Variants in RELN observed in about 807,000 individuals in gnomAD.
RELN encodes reelin.
Under a neutral mutation model 427.6 loss-of-function variants are expected in RELN, and 108 were observed. That is an observed-to-expected ratio of 0.25 (90% CI 0.22 to 0.30). RELN has a LOEUF of 0.30. Ranked by LOEUF, RELN falls within the 10% of genes least tolerant of loss-of-function variation. The pLI is 1.00. For synonymous variants in RELN, 1,524 were observed against 1,513.4 expected (o/e 1.01, Z -0.16); for missense variants, 3,715 against 4,302.8 (o/e 0.86, Z 3.82).
At chr7:103,732,327 A>C (rs1438443724) in intron 6 of RELN, among the ~76,000 whole-genome samples, 1 of 152,112 alleles carries the variant, frequency 6.6e-6, no homozygotes, top group Non-Finnish European at 1.5e-5. Flanking sequence ...ATAATCCTTC[A>C]GTGTGTATCA....
At chr7:103,881,715 G>A (rs760311395) in intron 2 of RELN, among the ~76,000 whole-genome samples, 10 of 152,060 alleles carry the variant, frequency 6.6e-5, no homozygotes, top group East Asian at 1.9e-4. Context: ...AAAAAGTAAC[G>A]TCATCTCGGA....
intron 1 of RELN, among the ~76,000 whole-genome samples, chr7:103,936,259 A>G (rs1795981972): frequency 6.6e-6 from 1 of 152,048 alleles, no homozygotes; most frequent in Non-Finnish European, 1.5e-5. Context: ...TGCCCAGCTA[A>G]TTAATGTATT....
chr7:103,488,030 C>T (rs1308450058), intron 60 of RELN, among the ~76,000 whole-genome samples: 2 of 152,044 alleles, frequency 1.3e-5, no homozygotes, highest in East Asian at 3.9e-4. Context: ...TGCCTGTAAT[C>T]CCAGCTACTC....
intron 3 of RELN, among the ~76,000 whole-genome samples, chr7:103,816,762 T>C (rs1792881589): frequency 6.6e-6 from 1 of 152,164 alleles, no homozygotes; most frequent in African/African-American, 2.4e-5. Context: ...ATACACCCCA[T>C]AATTGCTCCT....
At chr7:103,742,978 A>G in intron 6 of RELN, among the ~76,000 whole-genome samples, 1 of 151,278 alleles carries the variant, frequency 6.6e-6, no homozygotes, top group Non-Finnish European at 1.5e-5. Flanking sequence ...ACCAAAGTTG[A>G]AATAAAGGAA....
chr7:103,610,080 C>T (rs1031873512), intron 22 of RELN, among the ~76,000 whole-genome samples: 2 of 152,152 alleles, frequency 1.3e-5, no homozygotes, highest in Non-Finnish European at 2.9e-5. Context: ...AACCAGAAAT[C>T]GTTTAATTTT....
chr7:103,964,580 A>G (rs1796625479), intron 1 of RELN, among the ~76,000 whole-genome samples: 1 of 152,238 alleles, frequency 6.6e-6, no homozygotes, highest in Admixed American at 6.5e-5. Context: ...AATTATTTAA[A>G]GAATTGCACC....
intron 4 of RELN, among the ~76,000 whole-genome samples, chr7:103,770,879 C>A (rs1289811216): frequency 6.6e-6 from 1 of 151,476 alleles, no homozygotes; most frequent in South Asian, 2.1e-4. Context: ...CACCTAAAAC[C>A]ACCCTCATTT....
chr7:103,707,331 TA>T (rs1834226264), intron 8 of RELN, among the ~76,000 whole-genome samples: 1 of 152,066 alleles, frequency 6.6e-6, no homozygotes, highest in Non-Finnish European at 1.5e-5. Context: ...TAAAGAGAGC[TA>T]AAAAAGTTGC....
chr7:103,888,225 A>G (rs2116581591), intron 2 of RELN, among the ~76,000 whole-genome samples: 1 of 110,744 alleles, frequency 9.0e-6, no homozygotes, highest in East Asian at 4.1e-4. Flanking sequence ...CTTTTATACC[A>G]GCTCTTTTAA....
chr7:103,844,547 A>T (rs1389562992), intron 2 of RELN, among the ~76,000 whole-genome samples: 1 of 152,200 alleles, frequency 6.6e-6, no homozygotes. Flanking sequence ...TTCCTATTTT[A>T]TACAAGTTTA....
At position 103,569,151 on chromosome 7, in the gene RELN, G is replaced by A. The variant is rs577219327; in HGVS notation, c.4589-2392C>T. Among the ~76,000 whole-genome samples the A allele has an allele frequency of 6.6e-6, 1 of 152,308 alleles. No individual in the cohort carries two copies. Among genetic ancestry groups the A allele is most frequent in the Non-Finnish European group, 1.5e-5 (1 of 68,024 alleles). ...CTCCCTCTCAGATCTCTTGCTCTGGGGAAAGCCAGCCTACATTTAGTAAGG... is the reference window on the plus strand; with the variant it reads ...CTCCCTCTCAGATCTCTTGCTCTGGAGAAAGCCAGCCTACATTTAGTAAGG... On this transcript the variant is annotated intron_variant, in intron 31 of 64. Transcript: ENST00000428762. This position sits in a 1 kb window ranked among gnomAD's most constrained non-coding sequence, Gnocchi z 4.0.
At chr7:103,719,022 C>T (rs1790009223) in intron 8 of RELN, among the ~76,000 whole-genome samples, 2 of 152,092 alleles carry the variant, frequency 1.3e-5, no homozygotes, top group African/African-American at 4.8e-5. Flanking sequence ...TTCTCTATTG[C>T]TCAAGAGAGA....
intron 29 of RELN, among the ~76,000 whole-genome samples, chr7:103,575,114 T>A (rs928913004): frequency 2.6e-5 from 4 of 152,226 alleles, no homozygotes; most frequent in Non-Finnish European, 5.9e-5. Context: ...GGTTTGATAC[T>A]CAGCTCCAGC....
Position 103,988,899 on chromosome 7 carries a change from C to T in RELN, c.226+232G>A, listed in dbSNP as rs1797159001. On this transcript the variant is annotated intron_variant, in intron 1 of 64. Transcript: ENST00000428762. This position sits in a 1 kb window ranked among gnomAD's most constrained non-coding sequence, Gnocchi z 4.9. ...ATTCTCAGGCGTTTAGCACAAGCACCAGCTCATTACCAGGAGATGCGTTCG... is the reference window on the plus strand; with the variant it reads ...ATTCTCAGGCGTTTAGCACAAGCACTAGCTCATTACCAGGAGATGCGTTCG... Among the ~76,000 whole-genome samples the T allele has an allele frequency of 6.6e-6, 1 of 152,198 alleles. No homozygotes were observed. The highest frequency in any genetic ancestry group is 6.5e-5 in the Admixed American group (1 of 15,284).
chr7:103,608,809 G>C (rs1035759350), intron 22 of RELN, among the ~76,000 whole-genome samples: 3 of 152,184 alleles, frequency 2.0e-5, no homozygotes, highest in African/African-American at 7.2e-5. Context: ...CACACAATTT[G>C]AGTGTCAAAG....
At chr7:103,966,429 C>T (rs1381432315) in intron 1 of RELN, among the ~76,000 whole-genome samples, 1 of 152,188 alleles carries the variant, frequency 6.6e-6, no homozygotes, top group Non-Finnish European at 1.5e-5. Flanking sequence ...CCAGAGGAAA[C>T]CCCGGAAGAC....
intron 2 of RELN, among the ~76,000 whole-genome samples, chr7:103,838,391 T>A (rs1738458634): frequency 6.6e-6 from 1 of 152,130 alleles, no homozygotes; most frequent in African/African-American, 2.4e-5. Flanking sequence ...ATAACTGGTC[T>A]AAAATATAGA....
chr7:103,511,106 T>C, intron 50 of RELN, 101 bp from the exon 51 acceptor site: 1 of 795,104 alleles, frequency 1.3e-6, no homozygotes, highest in South Asian at 1.5e-5. Context: ...AAGTAGAAAC[T>C]GCTCATATTA....
Sources: allele counts gnomAD v4.1 joint callset (sites outside exome capture counted in the v4.1 genomes callset), GRCh38; gene constraint gnomAD v4.1.1; non-coding constraint Gnocchi (gnomAD v3.1); transcripts MANE v1.5; gene names NCBI Gene and HGNC (gene_info 2026-07-23, HGNC 2026-07-21).